The following PDGFD variants were observed in gnomAD, a reference collection of about 807,000 sequenced individuals.
The protein encoded by PDGFD is platelet-derived growth factor D.
A neutral mutation model predicts 44.7 loss-of-function variants in PDGFD; 30 were observed. The ratio of observed to expected loss-of-function variants is 0.67; its 90% confidence interval spans 0.50 to 0.91. The LOEUF is 0.91. PDGFD is among the 40% of genes least tolerant of loss of function. The probability of loss-of-function intolerance (pLI) is 0.00; values close to 1 mark genes in which losing one functional copy is unlikely to be tolerated. For synonymous variants in PDGFD, 173 were observed against 168.4 expected (o/e 1.03, Z -0.21); for missense variants, 445 against 457.8 (o/e 0.97, Z 0.25).
chr11:104,113,418 A>T (rs1474209032), intron 1 of PDGFD, among the ~76,000 whole-genome samples: 1 of 152,062 alleles, frequency 6.6e-6, no homozygotes, highest in African/African-American at 2.4e-5. Flanking sequence ...AATAACTCAG[A>T]ATAGGAGGGT....
intron 1 of PDGFD, among the ~76,000 whole-genome samples, chr11:104,119,362 G>T (rs193075503): frequency 1.9e-4 from 2 of 10,426 alleles, no homozygotes; most frequent in African/African-American, 5.5e-4. Context: ...ATAATATATT[G>T]ATATAATATA....
chr11:103,947,556 C>T (rs1046209299), intron 4 of PDGFD, 106 bp downstream of exon 4: 34 of 814,246 alleles, frequency 4.2e-5, no homozygotes, highest in African/African-American at 3.0e-4. Context: ...TGAGATCTAG[C>T]TTTTGATCAA....
At chr11:103,987,400 C>A (rs1431933977) in intron 3 of PDGFD, among the ~76,000 whole-genome samples, 1 of 152,148 alleles carries the variant, frequency 6.6e-6, no homozygotes, top group East Asian at 1.9e-4. Context: ...TACCTCCTTG[C>A]TGGCTATCCC....
At chr11:104,012,705 A>C (rs920406505) in intron 1 of PDGFD, among the ~76,000 whole-genome samples, 7 of 152,190 alleles carry the variant, frequency 4.6e-5, no homozygotes, top group African/African-American at 1.7e-4. Context: ...GTGGTTTTAA[A>C]GTTTATTTTT....
intron 2 of PDGFD, among the ~76,000 whole-genome samples, chr11:103,999,384 A>G (rs561043493): frequency 1.3e-5 from 2 of 152,336 alleles, no homozygotes; most frequent in South Asian, 2.1e-4. Context: ...GCGGACATTC[A>G]AAGAACAACA....
chr11:104,132,084 T>C (rs1331297163), intron 1 of PDGFD, among the ~76,000 whole-genome samples: 1 of 152,086 alleles, frequency 6.6e-6, no homozygotes, highest in African/African-American at 2.4e-5. Context: ...AACAGGTAAG[T>C]ATCAGAAATT....
intron 3 of PDGFD, among the ~76,000 whole-genome samples, chr11:103,982,566 G>C (rs1859287723): frequency 6.6e-6 from 1 of 151,586 alleles, no homozygotes; most frequent in South Asian, 2.1e-4. Context: ...TTCTGGCCAG[G>C]GCAATCAGGA....
intron 5 of PDGFD, among the ~76,000 whole-genome samples, chr11:103,933,209 T>G (rs1256049863): frequency 6.6e-6 from 1 of 152,178 alleles, no homozygotes; most frequent in Non-Finnish European, 1.5e-5. Context: ...GTGAGGGGAC[T>G]ATAGGAATAA....
chr11:104,068,294 T>G (rs1190315721), intron 1 of PDGFD, among the ~76,000 whole-genome samples: 1 of 152,146 alleles, frequency 6.6e-6, no homozygotes, highest in Non-Finnish European at 1.5e-5. Flanking sequence ...CCAAATTCCT[T>G]TGTTTCTTGA....
intron 3 of PDGFD, among the ~76,000 whole-genome samples, chr11:103,959,213 A>G (rs1858900331): frequency 6.6e-6 from 1 of 152,156 alleles, no homozygotes; most frequent in Non-Finnish European, 1.5e-5. Context: ...CCTTATCCTT[A>G]CACTGGACCA....
intron 5 of PDGFD, among the ~76,000 whole-genome samples, chr11:103,934,576 G>T (rs1038458787): frequency 2.6e-5 from 4 of 152,172 alleles, no homozygotes; most frequent in Admixed American, 2.6e-4. Flanking sequence ...GTTATGCATT[G>T]CCTGGGAGGC....
In PDGFD at chr11:103,996,078, T is replaced by G. The variant is rs1565305918; in HGVS notation, c.497A>C (p.Tyr166Ser). 1 of 1,613,222 alleles carries G rather than the reference T, an allele frequency of 6.2e-7. No homozygotes were observed. The highest frequency in any genetic ancestry group is 8.5e-7 in the Non-Finnish European group (1 of 1,179,580). The change falls in exon 3 of 7, where the codon TAT becomes TCT. Residue 166 changes from tyrosine (Y) to serine (S), a missense_variant. Physicochemically the swap from Tyr to Ser is moderately radical, Grantham distance 144. Transcript: ENST00000393158. ...YFVAKPGFKI[Y>S]YSLLEDFQPA... ...TTAAGTACTCACCAGCAAAGAATAATAAATCTTGAATCCAGGTTTAGCCAC... is the reference window on the plus strand; with the variant it reads ...TTAAGTACTCACCAGCAAAGAATAAGAAATCTTGAATCCAGGTTTAGCCAC...
chr11:103,947,301 G>A (rs112243206), intron 4 of PDGFD, among the ~76,000 whole-genome samples: 15 of 152,252 alleles, frequency 9.9e-5, no homozygotes, highest in African/African-American at 2.2e-4. Context: ...AGGAATATTC[G>A]AAAGCTATTT....
At position 104,148,500 on chromosome 11, in the gene PDGFD, T is replaced by C. The variant is rs539717525; in HGVS notation, c.124+15304A>G. On this transcript the variant is annotated intron_variant, in intron 1 of 6. Coordinates refer to ENST00000393158, the MANE Select transcript of PDGFD (RefSeq NM_025208.5). ...CATATAAGATTTTGAAGATTTAGTA[T>C]TATAAAAATTTAAAAGAAATTGCAA... Among the ~76,000 whole-genome samples, 6 of 152,222 alleles carry C rather than the reference T, an allele frequency of 3.9e-5. No homozygotes were observed. In the South Asian group the frequency reaches 1.2e-3, roughly 32 times the overall value.
chr11:104,053,052 T>C (rs1860565791), intron 1 of PDGFD, among the ~76,000 whole-genome samples: 1 of 152,212 alleles, frequency 6.6e-6, no homozygotes, highest in Non-Finnish European at 1.5e-5. Context: ...ATTCAGTTTA[T>C]ATGCTCATGA....
intron 1 of PDGFD, among the ~76,000 whole-genome samples, chr11:104,046,477 C>T (rs1860444049): frequency 6.8e-6 from 1 of 147,630 alleles, no homozygotes; most frequent in Non-Finnish European, 1.5e-5. Context: ...ATCACTTGTA[C>T]TCCAAAACAA....
chr11:104,051,131 C>T (rs1860528950), intron 1 of PDGFD, among the ~76,000 whole-genome samples: 1 of 152,122 alleles, frequency 6.6e-6, no homozygotes, highest in South Asian at 2.1e-4. Context: ...TGATGAAAAC[C>T]ATTGTCATTA....
chr11:104,128,060 C>A (rs1281441256), intron 1 of PDGFD, among the ~76,000 whole-genome samples: 1 of 152,042 alleles, frequency 6.6e-6, no homozygotes, highest in African/African-American at 2.4e-5. Flanking sequence ...ACAAACATGG[C>A]AACACACAGG....
At chr11:104,037,379 A>G in intron 1 of PDGFD, 2 of 1,614,150 alleles carry the variant, frequency 1.2e-6, no homozygotes. Flanking sequence ...CTGATGGAGC[A>G]GCAAAGGGAA....
Sources: gnomAD v4.1 joint callset for allele counts (sites outside exome capture counted in the v4.1 genomes callset) on GRCh38, gnomAD v4.1.1 for gene constraint, MANE v1.5 for transcripts, NCBI Gene and HGNC (gene_info 2026-07-23, HGNC 2026-07-21) for gene names.